Variants in COL24A1 observed in about 807,000 individuals in gnomAD.
COL24A1 encodes collagen alpha-1(XXIV) chain.
COL24A1 carries 224 observed loss-of-function variants against 253.9 expected under a neutral mutation model. The ratio of observed to expected loss-of-function variants is 0.88; its 90% CI spans 0.79 to 0.99. The LOEUF (loss-of-function observed/expected upper bound fraction) is 0.99. Ranked by LOEUF, COL24A1 falls within the 50% of genes least tolerant of loss-of-function variation. The probability of loss-of-function intolerance (pLI) is 0.00; values close to 1 mark genes in which losing one functional copy is unlikely to be tolerated. For missense variants in COL24A1, 2,131 were observed against 2,068.5 expected (o/e 1.03, Z -0.59); for synonymous variants, 685 against 673.7 (o/e 1.02, Z -0.26).
At chr1:86,032,456 TA>T (rs995596993) in intron 13 of COL24A1, among the ~76,000 whole-genome samples, 9 of 152,208 alleles carry the variant, frequency 5.9e-5, no homozygotes, top group African/African-American at 1.9e-4. Context: ...TAAAAATGTA[TA>T]AAATTTTCAA....
At chr1:86,057,260 C>A (rs778523731) in intron 10 of COL24A1, among the ~76,000 whole-genome samples, 16 of 152,246 alleles carry the variant, frequency 1.1e-4, no homozygotes, top group Middle Eastern at 6.8e-3. Context: ...CTTCACCTTC[C>A]GCTGTGACTA....
At chr1:86,092,861 T>C (rs770204558) in intron 5 of COL24A1, among the ~76,000 whole-genome samples, 2 of 152,010 alleles carry the variant, frequency 1.3e-5, no homozygotes, top group Non-Finnish European at 2.9e-5. Flanking sequence ...TAGATAAGTT[T>C]CACAGTGTGG....
At chr1:86,095,564 G>A (rs1193793063) in intron 5 of COL24A1, among the ~76,000 whole-genome samples, 2 of 151,996 alleles carry the variant, frequency 1.3e-5, no homozygotes, top group African/African-American at 4.8e-5. Flanking sequence ...CTGCATTGAA[G>A]GAGAAAACTC....
chr1:85,943,907 G>T (rs1482821998), intron 24 of COL24A1, among the ~76,000 whole-genome samples: 1 of 152,188 alleles, frequency 6.6e-6, no homozygotes, highest in African/African-American at 2.4e-5. Context: ...CTTTTAGAAA[G>T]TTCTAATTCA....
At chr1:86,073,053 A>G (rs1701984385) in intron 7 of COL24A1, among the ~76,000 whole-genome samples, 2 of 152,118 alleles carry the variant, frequency 1.3e-5, no homozygotes, top group African/African-American at 4.8e-5. Context: ...AATTCCGAAA[A>G]CCAGAACGCC....
chr1:86,142,915 G>T (rs1234825433), intron 2 of COL24A1, among the ~76,000 whole-genome samples: 1 of 151,978 alleles, frequency 6.6e-6, no homozygotes, highest in African/African-American at 2.4e-5. Flanking sequence ...GATTAAAAGG[G>T]AAATTAAAAG....
chr1:85,774,399 A>T (rs1668309278), intron 53 of COL24A1, among the ~76,000 whole-genome samples: 1 of 152,160 alleles, frequency 6.6e-6, no homozygotes, highest in Non-Finnish European at 1.5e-5. Flanking sequence ...TGAGTTAGGG[A>T]GGATTTCTTC....
rs141856442 is a variant in COL24A1, at chr1:85,954,040, A to G, written c.2562+7209T>C. Among the ~76,000 whole-genome samples the G allele has an allele frequency of 9.9e-5, 15 of 152,212 alleles. 1 individual carries two copies. The East Asian group carries it at 2.9e-3, about 29-fold the overall frequency. ...AAAGTTCCATTTTAATATCTCTTTT[A>G]TTTTTATTATTTTGAAGAAGTAATT... On this transcript the variant is annotated intron_variant, in intron 24 of 59. Transcript: ENST00000370571.
At chr1:86,066,513 G>A (rs908283494) in intron 7 of COL24A1, among the ~76,000 whole-genome samples, 3 of 151,776 alleles carry the variant, frequency 2.0e-5, no homozygotes, top group Non-Finnish European at 4.4e-5. Context: ...CAAAGTGCTG[G>A]GATTACAGGC....
chr1:85,799,211 A>AAAAG (rs139787428), intron 47 of COL24A1, among the ~76,000 whole-genome samples: 7,137 of 137,506 alleles, frequency 0.052, 332 homozygotes, highest in East Asian at 0.18. Flanking sequence ...TTGGCCACAT[A>AAAAG]AAAGAAAGAA....
intron 2 of COL24A1, among the ~76,000 whole-genome samples, chr1:86,131,605 T>C (rs978587878): frequency 2.0e-5 from 3 of 148,974 alleles, no homozygotes; most frequent in Admixed American, 1.4e-4. Context: ...AGTGAGAACA[T>C]GCAGTGTTTG....
chr1:86,016,228 T>A (rs1359380637), intron 19 of COL24A1, among the ~76,000 whole-genome samples: 1 of 152,046 alleles, frequency 6.6e-6, no homozygotes, highest in African/African-American at 2.4e-5. Context: ...TAAGTAAGAA[T>A]AGGCATTTTC....
At chr1:85,897,999 A>G (rs576028377) in intron 28 of COL24A1, among the ~76,000 whole-genome samples, 23 of 152,330 alleles carry the variant, frequency 1.5e-4, no homozygotes, top group Non-Finnish European at 2.6e-4. Context: ...GAGGGATAGT[A>G]TGTGAAAAAA....
At chr1:85,967,579 G>C (rs1691690710) in intron 22 of COL24A1, among the ~76,000 whole-genome samples, 1 of 152,160 alleles carries the variant, frequency 6.6e-6, no homozygotes, top group Non-Finnish European at 1.5e-5. Flanking sequence ...ACAAAGTAAA[G>C]GGTATGACTG....
At chr1:85,816,651 A>G (rs767068985) in intron 47 of COL24A1, 137 bp downstream of exon 47, 1 of 683,462 alleles carries the variant, frequency 1.5e-6, no homozygotes, top group South Asian at 1.8e-5. Context: ...ATACAACTGC[A>G]TAATAGCTAT....
At chr1:85,882,454 A>G (rs776780962) in intron 32 of COL24A1, among the ~76,000 whole-genome samples, 1 of 152,070 alleles carries the variant, frequency 6.6e-6, no homozygotes, top group Non-Finnish European at 1.5e-5. Flanking sequence ...ACAGAGCAAG[A>G]CTCCGTCTCA....
rs57026170 is a variant in COL24A1 at position 85,791,700 on chromosome 1, T to C, written c.3952-5239A>G. On this transcript the variant is annotated intron_variant, in intron 47 of 59. Transcript: ENST00000370571. Reference sequence around the variant, plus strand: ...TCAATGAAAATCATACGCTCATGAATTGCAGCATTTGGCAGTACCTATCTG... The same window carrying C: ...TCAATGAAAATCATACGCTCATGAACTGCAGCATTTGGCAGTACCTATCTG... Among the ~76,000 whole-genome samples the C allele has an allele frequency of 2.0e-5, 3 of 152,202 alleles. No individual in the cohort carries two copies. In the South Asian group the frequency reaches 6.2e-4, roughly 32 times the overall value.
intron 13 of COL24A1, among the ~76,000 whole-genome samples, chr1:86,033,234 G>A (rs1698727912): frequency 6.6e-6 from 1 of 152,030 alleles, no homozygotes; most frequent in Non-Finnish European, 1.5e-5. Flanking sequence ...CCCAATTTAG[G>A]CTACAGAGAT....
rs769579792 is a variant in COL24A1, at chr1:86,125,990, G to T, written c.346C>A (p.Arg116=). 7 of 1,613,346 alleles carry T rather than the reference G, an allele frequency of 4.3e-6. No individual in the cohort carries two copies. Among genetic ancestry groups the T allele is most frequent in the Middle Eastern group, 3.3e-4 (2 of 6,080 alleles). The change falls in exon 3 of 60, where the codon CGG becomes AGG. Residue 116 remains arginine, a synonymous_variant. Coordinates refer to ENST00000370571, the MANE Select transcript of COL24A1 (RefSeq NM_152890.7). ...CTGAAGAGAAATGCATTGTTCACCC[G>T]ATGTGACTGTAACCCAGTTAATATT... ...FTILTGLQSH[R]VNNAFLFSIR...
Sources: allele counts gnomAD v4.1 joint callset (sites outside exome capture counted in the v4.1 genomes callset), GRCh38; gene constraint gnomAD v4.1.1; transcripts MANE v1.5; gene names NCBI Gene and HGNC (gene_info 2026-07-23, HGNC 2026-07-21).